The following USP6NL variants were observed in gnomAD, a reference collection of about 807,000 sequenced individuals.
USP6NL encodes the protein USP6 N-terminal-like protein.
A neutral mutation model predicts 61.9 loss-of-function variants in USP6NL; 26 were observed. The observed-to-expected ratio is 0.42, with a 90% CI of 0.31 to 0.58. The LOEUF (loss-of-function observed/expected upper bound fraction) is 0.58. USP6NL is among the 20% of genes least tolerant of loss of function. The probability of loss-of-function intolerance (pLI) is 0.16; values close to 1 mark genes in which losing one functional copy is unlikely to be tolerated. For missense variants in USP6NL, 1,114 were observed against 1,034.3 expected, an observed-to-expected ratio of 1.08 and a Z score of -1.06; for synonymous variants, 432 against 390.1, an observed-to-expected ratio of 1.11 and a Z score of -1.27.
intron 2 of USP6NL, among the ~76,000 whole-genome samples, chr10:11,550,476 C>T (rs1836440482): frequency 6.6e-6 from 1 of 152,046 alleles, no homozygotes; most frequent in African/African-American, 2.4e-5. Flanking sequence ...GCAAAAGAGG[C>T]CGAGCACTGT....
At chr10:11,557,267 T>C (rs958687400) in intron 2 of USP6NL, among the ~76,000 whole-genome samples, 2 of 152,084 alleles carry the variant, frequency 1.3e-5, no homozygotes, top group African/African-American at 4.8e-5. Flanking sequence ...ACTAGACAAC[T>C]CCTTAGTAAT....
At chr10:11,505,066 T>G (rs1357040627) in intron 6 of USP6NL, among the ~76,000 whole-genome samples, 3 of 152,164 alleles carry the variant, frequency 2.0e-5, no homozygotes, top group Non-Finnish European at 4.4e-5. Context: ...GGTCACTTCT[T>G]ATGGGTCCAA....
intron 13 of USP6NL, among the ~76,000 whole-genome samples, chr10:11,484,183 C>T (rs527249281): frequency 4.6e-5 from 7 of 152,254 alleles, no homozygotes; most frequent in African/African-American, 1.2e-4. Flanking sequence ...ATTAGAAGTA[C>T]GTGTACGTAT....
Position 11,537,382 on chromosome 10 carries a change from G to C in USP6NL, c.5-9815C>G, listed in dbSNP as rs1222452593. ...CCACCTTGGCCTCCCAAAGTGCTAC[G>C]ATTATAGGCATGAGCCACAAAGCCC... On this transcript the variant is annotated intron_variant, in intron 2 of 14. Transcript: ENST00000609104. The surrounding 1 kb of genome is among the most constrained non-coding windows in gnomAD (Gnocchi z 5.1). 6.7e-6 allele frequency among the ~76,000 whole-genome samples: 1 copy of C among 148,812 alleles called. No homozygotes were observed. The highest frequency in any genetic ancestry group is 2.0e-4 in the East Asian group (1 of 4,978).
intron 5 of USP6NL, among the ~76,000 whole-genome samples, chr10:11,515,339 T>C (rs144699741): frequency 5.9e-5 from 9 of 152,338 alleles, no homozygotes; most frequent in Non-Finnish European, 1.3e-4. Flanking sequence ...ATAAGAAATC[T>C]TGGGATTTGC....
At chr10:11,475,750 C>T (rs1832946706) in intron 14 of USP6NL, among the ~76,000 whole-genome samples, 3 of 151,918 alleles carry the variant, frequency 2.0e-5, no homozygotes, top group Admixed American at 2.0e-4. Flanking sequence ...CATCTCCATA[C>T]AGTGTCAAGA....
Position 11,602,131 on chromosome 10 carries a change from G to C in USP6NL, c.-83-4414C>G, listed in dbSNP as rs1838554777. ...CTACATTGTTAATTCACATTTAATA[G>C]ATTCTCATGTACTCATTTAAAATGT... On this transcript the variant is annotated intron_variant, in intron 1 of 14. Transcript: ENST00000609104. This position sits in a 1 kb window ranked among gnomAD's most constrained non-coding sequence, Gnocchi z 4.8. Among the ~76,000 whole-genome samples the C allele has an allele frequency of 6.6e-6, 1 of 151,966 alleles. No homozygotes were observed. The highest frequency in any genetic ancestry group is 6.6e-5 in the Admixed American group (1 of 15,252).
At chr10:11,577,956 T>C (rs183231962) in intron 2 of USP6NL, among the ~76,000 whole-genome samples, 1,728 of 152,216 alleles carry the variant, frequency 0.011, 35 homozygotes, top group African/African-American at 0.037. Flanking sequence ...GATGTTATTA[T>C]ACAGGTGATG....
At chr10:11,605,312 A>C (rs940600368) in intron 1 of USP6NL, among the ~76,000 whole-genome samples, 1 of 152,196 alleles carries the variant, frequency 6.6e-6, no homozygotes, top group Non-Finnish European at 1.5e-5. Flanking sequence ...ATAAGCAAAA[A>C]ACTGAATCCC....
chr10:11,494,301 G>C (rs191110471), intron 7 of USP6NL, among the ~76,000 whole-genome samples: 1 of 152,118 alleles, frequency 6.6e-6, no homozygotes, highest in African/African-American at 2.4e-5. Flanking sequence ...TCAGTACTGG[G>C]TTTGGATCTA....
rs942813608 is a variant in USP6NL at position 11,460,632 on chromosome 10, T to C, written c.*1809A>G. On this transcript the variant is annotated 3_prime_UTR_variant, in exon 15 of 15. Coordinates refer to ENST00000609104, the MANE Select transcript of USP6NL (RefSeq NM_014688.5). ...TATATATATATTTTTTGCATATATA[T>C]ATATATATATATATATATATATAAA... The C allele has an allele frequency of 0.035, 3,938 of 113,770 alleles. 69 individuals are homozygous for C. The highest frequency in any genetic ancestry group is 0.05 in the Non-Finnish European group (2,955 of 59,170). The allele number at this position is 113,770 out of a possible 1,614,324, so 7.0% of individuals were successfully genotyped here. A position where few individuals can be genotyped will look rare whatever the true frequency, so the allele number is the denominator to read the frequency against.
chr10:11,466,902 C>T (rs555902097), intron 14 of USP6NL, among the ~76,000 whole-genome samples: 1 of 152,308 alleles, frequency 6.6e-6, no homozygotes, highest in East Asian at 1.9e-4. Context: ...CTATTTTCGG[C>T]TCACAGGGCC....
rs1166974429 is a variant in USP6NL, at chr10:11,575,798, CAA to C, written c.4+21831_4+21832del. Reference sequence around the variant, plus strand: ...AACTGAGCTGAACTCTTTAAAATGCCAAAGTCATAGAAGACAAAGACAGACTG... The same window carrying C: ...AACTGAGCTGAACTCTTTAAAATGCCAGTCATAGAAGACAAAGACAGACTG... On this transcript the variant is annotated intron_variant, in intron 2 of 14. Transcript: ENST00000609104. The surrounding 1 kb of genome is among the most constrained non-coding windows in gnomAD (Gnocchi z 4.2). 6.6e-6 allele frequency among the ~76,000 whole-genome samples: 1 copy of C among 152,078 alleles called. No homozygotes were observed. The highest frequency in any genetic ancestry group is 1.5e-5 in the Non-Finnish European group (1 of 68,016).
chr10:11,565,073 T>A (rs896450522), intron 2 of USP6NL: 1 of 152,130 alleles, frequency 6.6e-6, no homozygotes, highest in Non-Finnish European at 1.5e-5. Context: ...GTTTCTACAG[T>A]TTTTTTCTCA....
At chr10:11,606,218 C>T (rs1426025920) in intron 1 of USP6NL, among the ~76,000 whole-genome samples, 3 of 152,198 alleles carry the variant, frequency 2.0e-5, no homozygotes, top group African/African-American at 7.2e-5. Context: ...TAAAGAATCT[C>T]TCCAGAAGAC....
At chr10:11,507,639 T>C (rs996249487) in intron 6 of USP6NL, among the ~76,000 whole-genome samples, 1 of 152,214 alleles carries the variant, frequency 6.6e-6, no homozygotes, top group Non-Finnish European at 1.5e-5. Context: ...TCATACCTCA[T>C]ATTAAAGACT....
In USP6NL at chr10:11,518,522, G is replaced by C. The variant is rs144921082; in HGVS notation, c.195+13C>G. On this transcript the variant is annotated intron_variant, in intron 5 of 14. Coordinates refer to ENST00000609104, the MANE Select transcript of USP6NL (RefSeq NM_014688.5). The surrounding 1 kb of genome is among the most constrained non-coding windows in gnomAD (Gnocchi z 5.3). ...TCACCAGTAACTGTAAATACATCAA[G>C]AGCAGGACTTACCCGTTCCACAGCC... 9.3e-4 allele frequency: 1,499 copies of C among 1,611,340 alleles called. 12 individuals carry two copies. In the African/African-American group the frequency reaches 0.016, roughly 17 times the overall value.
intron 14 of USP6NL, among the ~76,000 whole-genome samples, chr10:11,471,039 G>C (rs2133177557): frequency 6.6e-6 from 1 of 152,288 alleles, no homozygotes; most frequent in Non-Finnish European, 1.5e-5. Context: ...CAAAAAATTA[G>C]CTGGGCGTGG....
At chr10:11,552,675 A>G (rs1836539286) in intron 2 of USP6NL, among the ~76,000 whole-genome samples, 1 of 152,220 alleles carries the variant, frequency 6.6e-6, no homozygotes, top group Admixed American at 6.5e-5. Context: ...ATACACACCA[A>G]TGGGAAACAT....
Sources: gnomAD v4.1 joint callset for allele counts (sites outside exome capture counted in the v4.1 genomes callset) on GRCh38, gnomAD v4.1.1 for gene constraint, Gnocchi (gnomAD v3.1) non-coding constraint, MANE v1.5 for transcripts, NCBI Gene and HGNC (gene_info 2026-07-23, HGNC 2026-07-21) for gene names.